The following LAMA2 variants were observed in gnomAD, a reference collection of about 807,000 sequenced individuals.
LAMA2 encodes laminin subunit alpha 2, also known as laminin subunit alpha-2.
A neutral mutation model predicts 364.8 loss-of-function variants in LAMA2; 269 were observed. The ratio of observed to expected loss-of-function variants is 0.74; its 90% CI spans 0.67 to 0.82. The LOEUF (loss-of-function observed/expected upper bound fraction) is 0.82, where lower values mean the gene tolerates loss of function less well. Among genes scored for constraint, LAMA2 ranks in the 40% least tolerant of loss-of-function variants. LAMA2 has a pLI of 0.00. For missense variants in LAMA2, 3,807 were observed against 3,873.2 expected (o/e 0.98, Z 0.45); for synonymous variants, 1,379 against 1,370.6 (o/e 1.01, Z -0.14).
chr6:129,266,924 A>G (rs1787558275), intron 15 of LAMA2, among the ~76,000 whole-genome samples, 182 bp from the exon 16 acceptor site: 1 of 152,154 alleles, frequency 6.6e-6, no homozygotes, highest in South Asian at 2.1e-4. Context: ...AGGTCAGTGC[A>G]AAGCCCCAGT....
At chr6:129,092,940 T>C (rs1314701394) in intron 3 of LAMA2, among the ~76,000 whole-genome samples, 1 of 152,204 alleles carries the variant, frequency 6.6e-6, no homozygotes, top group African/African-American at 2.4e-5. Flanking sequence ...CAAAAGTCTC[T>C]GTAAATCTCC....
In LAMA2 at chr6:129,300,727, C is replaced by T. The variant is rs1773495600; in HGVS notation, c.3038-9C>T. On this transcript the variant is annotated splice_polypyrimidine_tract_variant and intron_variant, in intron 21 of 64. Coordinates refer to ENST00000421865, the MANE Select transcript of LAMA2 (RefSeq NM_000426.4). The stretch of plus-strand genomic sequence containing the variant: ...CCCCTTCTTTGTTTTCCCTCTTATA[C>T]CGGTGAAGCTTGTGAATGTTCTCAT... 2.5e-6 allele frequency: 4 copies of T among 1,613,402 alleles called. No individual in the cohort carries two copies. The East Asian group carries it at 8.9e-5, about 36-fold the overall frequency.
intron 4 of LAMA2, among the ~76,000 whole-genome samples, chr6:129,102,343 G>A (rs1456523890): frequency 6.6e-6 from 1 of 151,776 alleles, no homozygotes; most frequent in Non-Finnish European, 1.5e-5. Context: ...CACCATGTTG[G>A]TCAGGATGGT....
At chr6:128,906,932 G>T (rs1331215414) in intron 1 of LAMA2, among the ~76,000 whole-genome samples, 1 of 151,840 alleles carries the variant, frequency 6.6e-6, no homozygotes, top group Non-Finnish European at 1.5e-5. Context: ...GTTTGTCAAA[G>T]ATCAGATAGT....
At chr6:129,045,535 A>G (rs962830273) in intron 1 of LAMA2, among the ~76,000 whole-genome samples, 1 of 152,298 alleles carries the variant, frequency 6.6e-6, no homozygotes, top group East Asian at 1.9e-4. Context: ...TCATTTTTAT[A>G]AAGTGGAAAG....
At chr6:129,512,183 T>C (rs1201104518) in intron 62 of LAMA2, among the ~76,000 whole-genome samples, 180 bp from the exon 63 acceptor site, 1 of 152,098 alleles carries the variant, frequency 6.6e-6, no homozygotes, top group Non-Finnish European at 1.5e-5. Context: ...TAACTAACTA[T>C]GGAGTGTGTT....
chr6:129,387,314 C>T (rs1583630996), intron 35 of LAMA2, among the ~76,000 whole-genome samples: 1 of 152,102 alleles, frequency 6.6e-6, no homozygotes, highest in Admixed American at 6.5e-5. Flanking sequence ...AAGCTCATCA[C>T]CACTGATCAT....
chr6:129,418,321 A>G (rs534115249), intron 40 of LAMA2, among the ~76,000 whole-genome samples: 1 of 151,984 alleles, frequency 6.6e-6, no homozygotes, highest in Non-Finnish European at 1.5e-5. Context: ...ACTATTTTAT[A>G]CTCAATATTC....
chr6:129,006,906 G>A (rs925096577), intron 1 of LAMA2, among the ~76,000 whole-genome samples: 2 of 152,072 alleles, frequency 1.3e-5, no homozygotes, highest in Non-Finnish European at 2.9e-5. Flanking sequence ...TATCCCATCT[G>A]ACTCTCTTCT....
At chr6:129,408,730 A>G (rs1051319357) in intron 40 of LAMA2, among the ~76,000 whole-genome samples, 1 of 152,088 alleles carries the variant, frequency 6.6e-6, no homozygotes, top group African/African-American at 2.4e-5. Flanking sequence ...CGGTGGCTAT[A>G]GTCAGGTCAG....
intron 23 of LAMA2, among the ~76,000 whole-genome samples, chr6:129,314,419 A>AAAAAT (rs1774440622): frequency 6.8e-6 from 1 of 146,716 alleles, no homozygotes. Flanking sequence ...AAAAAAAAAA[A>AAAAAT]GTACAATACC....
intron 27 of LAMA2, among the ~76,000 whole-genome samples, chr6:129,320,314 C>A (rs1034615545): frequency 1.3e-5 from 2 of 151,940 alleles, no homozygotes; most frequent in East Asian, 3.9e-4. Flanking sequence ...GGGTAGCAGA[C>A]GTGGAAGAAA....
chr6:129,038,356 T>A (rs904408154), intron 1 of LAMA2, among the ~76,000 whole-genome samples: 1 of 152,226 alleles, frequency 6.6e-6, no homozygotes, highest in Non-Finnish European at 1.5e-5. Flanking sequence ...TGTGAGTCTG[T>A]GTGTACATAA....
At chr6:129,503,366 C>A in intron 60 of LAMA2, 86 bp downstream of exon 60, 1 of 1,256,176 alleles carries the variant, frequency 8.0e-7, no homozygotes, top group Non-Finnish European at 1.2e-6. Context: ...GTATATTTTG[C>A]CAGGGCAGAC....
intron 32 of LAMA2, among the ~76,000 whole-genome samples, chr6:129,363,278 T>C (rs1326501367): frequency 1.3e-5 from 2 of 152,154 alleles, no homozygotes; most frequent in Non-Finnish European, 2.9e-5. Context: ...TACTCCAGCA[T>C]GGGTGGCAGA....
chr6:129,181,390 A>G (rs930127935), intron 10 of LAMA2, among the ~76,000 whole-genome samples: 4 of 152,124 alleles, frequency 2.6e-5, no homozygotes, highest in African/African-American at 9.7e-5. Flanking sequence ...CACATAAATC[A>G]TAAAAATATG....
At chr6:129,210,115 C>T (rs977114604) in intron 12 of LAMA2, among the ~76,000 whole-genome samples, 1 of 151,684 alleles carries the variant, frequency 6.6e-6, no homozygotes, top group Non-Finnish European at 1.5e-5. Context: ...TGATTATTTA[C>T]CCATAAGAAT....
intron 3 of LAMA2, among the ~76,000 whole-genome samples, chr6:129,078,173 C>T (rs1773783479): frequency 1.3e-5 from 2 of 151,206 alleles, no homozygotes; most frequent in African/African-American, 2.4e-5. Flanking sequence ...CTTGCTGTGT[C>T]GCTCAGACTG....
At chr6:128,974,934 C>T (rs1290707930) in intron 1 of LAMA2, among the ~76,000 whole-genome samples, 1 of 151,326 alleles carries the variant, frequency 6.6e-6, no homozygotes, top group African/African-American at 2.4e-5. Context: ...TCACTGCAAG[C>T]TCCGCCTCAC....
Sources: gnomAD v4.1 joint callset for allele counts (sites outside exome capture counted in the v4.1 genomes callset) on GRCh38, gnomAD v4.1.1 for gene constraint, MANE v1.5 for transcripts, NCBI Gene and HGNC (gene_info 2026-07-23, HGNC 2026-07-21) for gene names.